The following CTIF variants were observed in gnomAD, a reference collection of about 807,000 sequenced individuals.
CTIF encodes the protein cap binding complex dependent translation initiation factor.
CTIF carries 21 observed loss-of-function variants against 66.0 expected under a neutral mutation model. The ratio of observed to expected loss-of-function variants is 0.32; its 90% CI spans 0.23 to 0.46. The LOEUF (loss-of-function observed/expected upper bound fraction) is 0.46, where lower values mean the gene tolerates loss of function less well. Ranked by LOEUF, CTIF falls within the 20% of genes least tolerant of loss-of-function variation. The pLI is 1.00. For missense variants in CTIF, 739 were observed against 812.7 expected (o/e 0.91, Z 1.10); for synonymous variants, 345 against 326.4 (o/e 1.06, Z -0.62).
chr18:48,704,964 C>A (rs567085680), intron 6 of CTIF, among the ~76,000 whole-genome samples: 70 of 152,318 alleles, frequency 4.6e-4, no homozygotes, highest in African/African-American at 1.6e-3. Context: ...GAGACAACAA[C>A]TTTTACACCA....
In CTIF at chr18:48,761,303, G is replaced by A; in HGVS notation, c.1072-87G>A. ...AAGTAGGCCTGGTCCTGCTTTCTGG[G>A]GGTGGCCACCCTCTTTCCACCAGGC... On this transcript the variant is annotated intron_variant, in intron 8 of 11. Coordinates refer to ENST00000256413, the MANE Select transcript of CTIF (RefSeq NM_014772.3). The surrounding 1 kb of genome is among the most constrained non-coding windows in gnomAD (Gnocchi z 4.2). 1.5e-6 allele frequency: 2 copies of A among 1,330,144 alleles called. No individual in the cohort carries two copies. Among genetic ancestry groups the A allele is most frequent in the South Asian group, 1.4e-5 (1 of 73,004 alleles). 82.4% of individuals were successfully genotyped at this position (1,330,144 alleles called of 1,614,324 possible). A position where few individuals can be genotyped will look rare whatever the true frequency, so the allele number is the denominator to read the frequency against.
chr18:48,671,568 G>A (rs2091535716), intron 6 of CTIF, among the ~76,000 whole-genome samples: 1 of 152,154 alleles, frequency 6.6e-6, no homozygotes, highest in Admixed American at 6.5e-5. Flanking sequence ...AGAGACAATA[G>A]AGCATACAGT....
chr18:48,685,474 C>T (rs1443341705), intron 6 of CTIF, among the ~76,000 whole-genome samples: 4 of 152,066 alleles, frequency 2.6e-5, no homozygotes, highest in Non-Finnish European at 5.9e-5. Flanking sequence ...CCGCCTGCCT[C>T]GACCTCCCAA....
At chr18:48,661,415 CTA>C (rs1426160256) in intron 3 of CTIF, among the ~76,000 whole-genome samples, 1 of 151,806 alleles carries the variant, frequency 6.6e-6, no homozygotes, top group Admixed American at 6.6e-5. Flanking sequence ...TCTTTGCTTT[CTA>C]TGTTATTTTT....
At chr18:48,771,392 T>C (rs1910097799) in intron 9 of CTIF, among the ~76,000 whole-genome samples, 1 of 152,040 alleles carries the variant, frequency 6.6e-6, no homozygotes, top group South Asian at 2.1e-4. Flanking sequence ...GGAGCATGGA[T>C]AGGCAGGCAT....
intron 1 of CTIF, among the ~76,000 whole-genome samples, chr18:48,602,850 A>G (rs111400272): frequency 9.1e-5 from 13 of 142,664 alleles, no homozygotes; most frequent in South Asian, 4.5e-4. Context: ...TGGATGGATG[A>G]ATGGATGGAT....
At chr18:48,700,005 C>G (rs543894878) in intron 6 of CTIF, among the ~76,000 whole-genome samples, 1 of 152,206 alleles carries the variant, frequency 6.6e-6, no homozygotes, top group Non-Finnish European at 1.5e-5. Flanking sequence ...CTGCTGCTCT[C>G]GCCTTCACTG....
intron 1 of CTIF, among the ~76,000 whole-genome samples, chr18:48,603,071 A>G (rs1479980032): frequency 2.1e-5 from 3 of 143,610 alleles, no homozygotes; most frequent in African/African-American, 8.0e-5. Flanking sequence ...GAATGGGTGG[A>G]TGGATGGATG....
In CTIF at chr18:48,627,399, G is replaced by T. The variant is rs953942127; in HGVS notation, c.180+7654G>T. On this transcript the variant is annotated intron_variant, in intron 2 of 11. Transcript: ENST00000256413. ...AGAAGGTGATGAATGCATGAGGGAG[G>T]CAGGAAGTGAGTGGGGAAGGCTCGC... 3.3e-5 allele frequency among the ~76,000 whole-genome samples: 5 copies of T among 152,086 alleles called. 1 individual carries two copies. The highest frequency in any genetic ancestry group is 2.0e-4 in the Admixed American group (3 of 15,274).
chr18:48,659,959 T>C lies in CTIF; in HGVS notation c.253-3793T>C, dbSNP rs1176592544. Among the ~76,000 whole-genome samples, 402 of 132,418 alleles carry C rather than the reference T, an allele frequency of 3.0e-3. No individual in the cohort carries two copies. The Middle Eastern group carries it at 0.035, about 12-fold the overall frequency. The allele number at this position is 132,418 out of a possible 152,430, so 86.9% of individuals were successfully genotyped here. A position where few individuals can be genotyped will look rare whatever the true frequency, so the allele number is the denominator to read the frequency against. On this transcript the variant is annotated intron_variant, in intron 3 of 11. Coordinates refer to ENST00000256413, the MANE Select transcript of CTIF (RefSeq NM_014772.3). ...ATGTTCCCTGAGTTGTTGTAAGGAG[T>C]TGTGGGGATTCAATGAGGAAAATGT...
chr18:48,719,081 G>A (rs1286387175), intron 7 of CTIF, among the ~76,000 whole-genome samples: 1 of 152,192 alleles, frequency 6.6e-6, no homozygotes, highest in Non-Finnish European at 1.5e-5. Flanking sequence ...GTAGCCTCAT[G>A]TGTCCCTCTG....
intron 10 of CTIF, among the ~76,000 whole-genome samples, chr18:48,846,261 C>T (rs145178453): frequency 6.6e-6 from 1 of 152,374 alleles, no homozygotes; most frequent in Non-Finnish European, 1.5e-5. Context: ...ACATCTTTCT[C>T]ATGCCATATG....
chr18:48,544,463 C>A (rs1254752241), intron 1 of CTIF, among the ~76,000 whole-genome samples: 1 of 152,190 alleles, frequency 6.6e-6, no homozygotes, highest in Non-Finnish European at 1.5e-5. Context: ...TGTCTGACAT[C>A]ATTATGATGA....
chr18:48,587,293 G>A (rs929952267), intron 1 of CTIF, among the ~76,000 whole-genome samples: 21 of 152,116 alleles, frequency 1.4e-4, no homozygotes, highest in Admixed American at 1.3e-3. Flanking sequence ...TGTTGGCCAG[G>A]CTGGTCTCGA....
intron 3 of CTIF, among the ~76,000 whole-genome samples, chr18:48,638,983 G>A (rs77317779): frequency 0.019 from 2,939 of 152,312 alleles, 101 homozygotes; most frequent in African/African-American, 0.065. Flanking sequence ...TGCGGTGGCC[G>A]ACTGATCATC....
intron 3 of CTIF, among the ~76,000 whole-genome samples, chr18:48,658,395 A>G (rs1482426065): frequency 1.4e-5 from 2 of 144,670 alleles, no homozygotes; most frequent in Non-Finnish European, 1.5e-5. Flanking sequence ...CCACATGTAT[A>G]TATGTGGTGT....
intron 9 of CTIF, among the ~76,000 whole-genome samples, chr18:48,790,209 A>G (rs2067762055): frequency 6.6e-6 from 1 of 152,240 alleles, no homozygotes; most frequent in Admixed American, 6.5e-5. Context: ...ATTCTGGAAT[A>G]AGGATCTCAG....
intron 6 of CTIF, among the ~76,000 whole-genome samples, chr18:48,700,058 C>T: frequency 6.6e-6 from 1 of 152,318 alleles, no homozygotes; most frequent in East Asian, 1.9e-4. Flanking sequence ...TGTGTCCCCA[C>T]CCAGATTTCA....
At chr18:48,793,680 T>C (rs1221599673) in intron 9 of CTIF, among the ~76,000 whole-genome samples, 1 of 152,152 alleles carries the variant, frequency 6.6e-6, no homozygotes, top group Non-Finnish European at 1.5e-5. Flanking sequence ...CCAGCTCAAG[T>C]TTATCTTCAT....
Sources: gnomAD v4.1 joint callset for allele counts (sites outside exome capture counted in the v4.1 genomes callset) on GRCh38, gnomAD v4.1.1 for gene constraint, Gnocchi (gnomAD v3.1) non-coding constraint, MANE v1.5 for transcripts, NCBI Gene and HGNC (gene_info 2026-07-23, HGNC 2026-07-21) for gene names.